ABHD17C: variants seen among roughly 807,000 people sequenced by gnomAD.
ABHD17C encodes the protein abhydrolase domain containing 17C, depalmitoylase.
A neutral mutation model predicts 27.9 loss-of-function variants in ABHD17C; 11 were observed. The ratio of observed to expected loss-of-function variants is 0.39; its 90% CI spans 0.25 to 0.65. ABHD17C has a LOEUF of 0.65. ABHD17C is among the 30% of genes least tolerant of loss of function. The pLI is 0.45. For missense variants in ABHD17C, 280 were observed against 470.2 expected (o/e 0.60, Z 3.74); for synonymous variants, 233 against 209.1 (o/e 1.11, Z -0.98).
At chr15:80,698,254 C>A (rs544342178) in intron 1 of ABHD17C, among the ~76,000 whole-genome samples, 225 of 151,984 alleles carry the variant, frequency 1.5e-3, no homozygotes, top group African/African-American at 4.9e-3. Flanking sequence ...TTAGTAGAGA[C>A]GGGGTTTCAC....
chr15:80,754,031 A>AT, intron 2 of ABHD17C, 120 bp from the exon 3 acceptor site: 1 of 814,580 alleles, frequency 1.2e-6, no homozygotes, highest in East Asian at 2.7e-5. Flanking sequence ...AACAAAAAAA[A>AT]CCCACGGTGT....
At chr15:80,726,732 A>G (rs1894985173) in intron 1 of ABHD17C, among the ~76,000 whole-genome samples, 1 of 151,850 alleles carries the variant, frequency 6.6e-6, no homozygotes, top group Non-Finnish European at 1.5e-5. Context: ...CAGGATGGTT[A>G]GTCAGGATGG....
rs1247686572 is a variant in ABHD17C, at chr15:80,719,990, G to A, written c.590+23971G>A. 4.6e-5 allele frequency among the ~76,000 whole-genome samples: 7 copies of A among 152,206 alleles called. No homozygotes were observed. The East Asian group carries it at 1.4e-3, about 29-fold the overall frequency. ...TTTTTTTGTATTCTTTGTTGAGGTG[G>A]GGTTTTGCCATGTTGGCCCGGCTAG... On this transcript the variant is annotated intron_variant, in intron 1 of 2. Transcript: ENST00000258884.
At position 80,747,430 on chromosome 15, in the gene ABHD17C, T is replaced by C. The variant is rs1895304390; in HGVS notation, c.591-2083T>C. Among the ~76,000 whole-genome samples, 3 of 152,178 alleles carry C rather than the reference T, an allele frequency of 2.0e-5. No individual in the cohort carries two copies. The South Asian group carries it at 6.2e-4, about 32-fold the overall frequency. ...GAAGGATCTTGGTGGCAGTTGCTGC[T>C]GGGGAGATCCCTGGGACAGCTTACC... On this transcript the variant is annotated intron_variant, in intron 1 of 2. Coordinates refer to ENST00000258884, the MANE Select transcript of ABHD17C (RefSeq NM_021214.2).
At chr15:80,712,848 G>A (rs1402847241) in intron 1 of ABHD17C, among the ~76,000 whole-genome samples, 1 of 152,100 alleles carries the variant, frequency 6.6e-6, no homozygotes, top group East Asian at 1.9e-4. Flanking sequence ...CATCTCCTCG[G>A]ATCCATGAGA....
At chr15:80,709,069 A>T (rs995225598) in intron 1 of ABHD17C, among the ~76,000 whole-genome samples, 4 of 152,240 alleles carry the variant, frequency 2.6e-5, no homozygotes, top group African/African-American at 9.6e-5. Flanking sequence ...TTGCCGGAGC[A>T]GTAATAGTCA....
At chr15:80,746,221 T>C (rs969651988) in intron 1 of ABHD17C, among the ~76,000 whole-genome samples, 3 of 151,956 alleles carry the variant, frequency 2.0e-5, no homozygotes, top group African/African-American at 7.2e-5. Context: ...TTTTTTCTCT[T>C]TCTCTGTCTT....
chr15:80,750,234 C>T (rs1217598607), intron 2 of ABHD17C, among the ~76,000 whole-genome samples: 1 of 152,152 alleles, frequency 6.6e-6, no homozygotes, highest in East Asian at 1.9e-4. Flanking sequence ...ACTCGACAAG[C>T]CAGGCTTTGA....
chr15:80,729,798 G>A (rs1895032851), intron 1 of ABHD17C, among the ~76,000 whole-genome samples: 3 of 152,170 alleles, frequency 2.0e-5, no homozygotes, highest in Admixed American at 2.0e-4. Flanking sequence ...ACTGTTTGAG[G>A]TCCAGTGGGT....
intron 1 of ABHD17C, among the ~76,000 whole-genome samples, chr15:80,722,200 C>T (rs1321896697): frequency 1.3e-5 from 2 of 151,658 alleles, no homozygotes; most frequent in Non-Finnish European, 2.9e-5. Flanking sequence ...TTCCTATTCT[C>T]TCTGCTGTTG....
chr15:80,719,835 T>C (rs1894866636), intron 1 of ABHD17C, among the ~76,000 whole-genome samples: 1 of 152,234 alleles, frequency 6.6e-6, no homozygotes, highest in Non-Finnish European at 1.5e-5. Flanking sequence ...TCTTGTTCTA[T>C]CGCTCAGGAT....
chr15:80,695,786 G>C lies in ABHD17C; in HGVS notation c.357G>C (p.Arg119=). 1 of 1,546,720 alleles carries C rather than the reference G, an allele frequency of 6.5e-7. No homozygotes were observed. Among genetic ancestry groups the C allele is most frequent in the Non-Finnish European group, 8.7e-7 (1 of 1,154,168 alleles). ...TCTCGCGCACGGCCCGGGACAACCG[G>C]CTCGGCTGCATGTTCGTGCGCTGCG... ...VFFSRTARDN[R]LGCMFVRCAP... is the part of the protein sequence containing the mutation. Residue 119 remains arginine (R), a synonymous_variant, in exon 1 of 3, where the codon CGG becomes CGC. Coordinates refer to ENST00000258884, the MANE Select transcript of ABHD17C (RefSeq NM_021214.2). The surrounding 1 kb of genome is among the most constrained non-coding windows in gnomAD (Gnocchi z 4.3).
chr15:80,695,324 C>A lies in ABHD17C; in HGVS notation c.-106C>A. ...GCCGGGCGGGCGGGCTGCAGCCGCC[C>A]TCCGCGCTCGCCTGCCAGCTCCCTC... On this transcript the variant is annotated 5_prime_UTR_variant, in exon 1 of 3. Coordinates refer to ENST00000258884, the MANE Select transcript of ABHD17C (RefSeq NM_021214.2). This position sits in a 1 kb window ranked among gnomAD's most constrained non-coding sequence, Gnocchi z 4.3. 1.3e-6 allele frequency: 1 copy of A among 741,578 alleles called. No homozygotes were observed. The highest frequency in any genetic ancestry group is 1.7e-6 in the Non-Finnish European group (1 of 583,928). The allele number at this position is 741,578 out of a possible 1,614,324, so 45.9% of individuals were successfully genotyped here.
chr15:80,721,152 C>T (rs999759574), intron 1 of ABHD17C, among the ~76,000 whole-genome samples: 3 of 151,468 alleles, frequency 2.0e-5, no homozygotes, highest in African/African-American at 7.3e-5. Context: ...TTCTGAGAGG[C>T]CTCTTCAACT....
Position 80,748,288 on chromosome 15 carries a change from G to A in ABHD17C, c.591-1225G>A, listed in dbSNP as rs1895317482. On this transcript the variant is annotated intron_variant, in intron 1 of 2. Transcript: ENST00000258884. The stretch of plus-strand genomic sequence containing the variant: ...GAAAGCATTTCATATTGTCCTGTAA[G>A]CTGCAATACGTATTTATTCCGAAAA... Among the ~76,000 whole-genome samples the A allele has an allele frequency of 1.3e-5, 2 of 152,172 alleles. 1 individual carries two copies. Among genetic ancestry groups the A allele is most frequent in the Admixed American group, 1.3e-4 (2 of 15,278 alleles).
chr15:80,706,079 T>C (rs1343686563), intron 1 of ABHD17C, among the ~76,000 whole-genome samples: 1 of 152,246 alleles, frequency 6.6e-6, no homozygotes, highest in Non-Finnish European at 1.5e-5. Flanking sequence ...GGTTGCTCTT[T>C]ACTTATGAGA....
rs545387094 is a variant in ABHD17C at position 80,755,087 on chromosome 15, T to C, written c.*717T>C. 5.3e-5 allele frequency: 8 copies of C among 152,246 alleles called. No homozygotes were observed. Among genetic ancestry groups the C allele is most frequent in the Admixed American group, 6.5e-5 (1 of 15,280 alleles). The allele number at this position is 152,246 out of a possible 1,614,324, so 9.4% of individuals were successfully genotyped here. ...CTTTCCTTCTGTAAAGTCCTCCTTGTAGGCTTTTTTAAAGTACTGTACATA... is the reference window on the plus strand; with the variant it reads ...CTTTCCTTCTGTAAAGTCCTCCTTGCAGGCTTTTTTAAAGTACTGTACATA... On this transcript the variant is annotated 3_prime_UTR_variant, in exon 3 of 3. Coordinates refer to ENST00000258884, the MANE Select transcript of ABHD17C (RefSeq NM_021214.2).
chr15:80,696,951 C>G lies in ABHD17C; in HGVS notation c.590+932C>G, dbSNP rs534618497. On this transcript the variant is annotated intron_variant, in intron 1 of 2. Transcript: ENST00000258884. Reference sequence around the variant, plus strand: ...TCATAGCAGTGATGGTGAAAATAACCTGAGGCCATGTCTATGATGAGATTT... The same window carrying G: ...TCATAGCAGTGATGGTGAAAATAACGTGAGGCCATGTCTATGATGAGATTT... Among the ~76,000 whole-genome samples, 6 of 152,316 alleles carry G rather than the reference C, an allele frequency of 3.9e-5. No homozygotes were observed. The East Asian group carries it at 1.2e-3, about 29-fold the overall frequency.
At chr15:80,737,002 G>C (rs567604659) in intron 1 of ABHD17C, among the ~76,000 whole-genome samples, 1 of 152,106 alleles carries the variant, frequency 6.6e-6, no homozygotes, top group Non-Finnish European at 1.5e-5. Flanking sequence ...CCAAACCCTC[G>C]GTTTCAGGGT....
Sources: allele counts gnomAD v4.1 joint callset (sites outside exome capture counted in the v4.1 genomes callset), GRCh38; gene constraint gnomAD v4.1.1; non-coding constraint Gnocchi (gnomAD v3.1); transcripts MANE v1.5; gene names NCBI Gene and HGNC (gene_info 2026-07-23, HGNC 2026-07-21).